The following PARP8 variants were observed in gnomAD, a reference collection of about 807,000 sequenced individuals.
PARP8 encodes protein mono-ADP-ribosyltransferase PARP8.
Under a neutral mutation model 124.1 loss-of-function variants are expected in PARP8, and 51 were observed. The observed-to-expected ratio is 0.41, with a 90% CI of 0.33 to 0.52. The LOEUF (loss-of-function observed/expected upper bound fraction) is 0.52. PARP8 is among the 20% of genes least tolerant of loss of function. The probability of loss-of-function intolerance (pLI) is 0.21; values close to 1 mark genes in which losing one functional copy is unlikely to be tolerated. For synonymous variants in PARP8, 391 were observed against 361.5 expected, an observed-to-expected ratio of 1.08 and a Z score of -0.93; for missense variants, 860 against 1,018.9, an observed-to-expected ratio of 0.84 and a Z score of 2.12.
chr5:50,699,856 G>T (rs1753403996), intron 2 of PARP8, among the ~76,000 whole-genome samples: 2 of 152,106 alleles, frequency 1.3e-5, no homozygotes, highest in East Asian at 3.9e-4. Context: ...GACATAAGAG[G>T]TCTCGGTTCA....
rs1370932889 is a variant in PARP8, at chr5:50,747,158, G to GTTTTT, written c.147-2989_147-2988insTTTTT. On this transcript the variant is annotated intron_variant, in intron 2 of 25. Transcript: ENST00000281631. ...CAGTTATGGTTTTTTTTGTTTGTTT[G>GTTTTT]TTTTGTTTTTTTTTTTTTTTTTGTC... is the stretch of plus-strand genomic sequence containing the variant. 6.8e-4 allele frequency among the ~76,000 whole-genome samples: 56 copies of GTTTTT among 82,132 alleles called. 1 individual carries two copies. Among genetic ancestry groups the GTTTTT allele is most frequent in the East Asian group, 1.1e-3 (3 of 2,684 alleles). The allele number at this position is 82,132 out of a possible 152,430, so 53.9% of individuals were successfully genotyped here.
intron 2 of PARP8, among the ~76,000 whole-genome samples, chr5:50,705,350 T>C (rs1257938507): frequency 6.6e-6 from 1 of 152,180 alleles, no homozygotes; most frequent in Non-Finnish European, 1.5e-5. Context: ...AAGTATATTA[T>C]TTCAAGTCAC....
chr5:50,670,066 AC>A (rs1425910730), intron 2 of PARP8, among the ~76,000 whole-genome samples: 4 of 152,344 alleles, frequency 2.6e-5, no homozygotes, highest in African/African-American at 9.6e-5. Context: ...AATGGCGAAT[AC>A]CTTTTATTTT....
At chr5:50,681,067 A>G (rs771050915) in intron 2 of PARP8, among the ~76,000 whole-genome samples, 6 of 152,138 alleles carry the variant, frequency 3.9e-5, no homozygotes, top group Non-Finnish European at 8.8e-5. Context: ...CCCTAGTAAT[A>G]CAGCACAAAT....
intron 3 of PARP8, among the ~76,000 whole-genome samples, chr5:50,756,835 C>T (rs1382487048): frequency 1.3e-5 from 2 of 152,084 alleles, no homozygotes; most frequent in Admixed American, 6.5e-5. Flanking sequence ...GCTGTGTCCC[C>T]CAGCCCCTGG....
chr5:50,669,850 T>C (rs1488699636), intron 2 of PARP8, among the ~76,000 whole-genome samples: 2 of 152,238 alleles, frequency 1.3e-5, no homozygotes, highest in Admixed American at 1.3e-4. Flanking sequence ...CCTGGCTGTT[T>C]CTCAGCCATT....
intron 25 of PARP8, 44 bp downstream of exon 25, chr5:50,835,059 A>C (rs1747413098): frequency 6.5e-7 from 1 of 1,533,706 alleles, no homozygotes; most frequent in African/African-American, 1.4e-5. Flanking sequence ...TCTTTGCCAC[A>C]AATGGGTTAG....
chr5:50,675,584 C>A (rs1010125212), intron 2 of PARP8, among the ~76,000 whole-genome samples: 1 of 152,224 alleles, frequency 6.6e-6, no homozygotes, highest in African/African-American at 2.4e-5. Context: ...GTTGGGATTA[C>A]GGGCGTGAGC....
intron 2 of PARP8, among the ~76,000 whole-genome samples, chr5:50,711,696 C>T (rs747094821): frequency 6.6e-6 from 1 of 152,102 alleles, no homozygotes; most frequent in African/African-American, 2.4e-5. Context: ...AACCCCAACC[C>T]TCCTGCCCAT....
rs186550802 is a variant in PARP8, at chr5:50,838,893, C to T, written c.2463-3073C>T. ...TTTTCAAGGCTCATTCAAACATGGTCTTTTCCTTGGCACCTTCCCTGACCT... is the reference window on the plus strand; with the variant it reads ...TTTTCAAGGCTCATTCAAACATGGTTTTTTCCTTGGCACCTTCCCTGACCT... On this transcript the variant is annotated intron_variant, in intron 25 of 25. Transcript: ENST00000281631. 2.0e-3 allele frequency among the ~76,000 whole-genome samples: 297 copies of T among 152,118 alleles called. 3 individuals carry two copies. The highest frequency in any genetic ancestry group is 6.8e-3 in the African/African-American group (281 of 41,546).
chr5:50,715,317 T>C (rs1441693902), intron 2 of PARP8, among the ~76,000 whole-genome samples: 1 of 152,114 alleles, frequency 6.6e-6, no homozygotes, highest in Admixed American at 6.6e-5. Flanking sequence ...TCTGTCAAAA[T>C]ATGTGTGATG....
chr5:50,763,289 C>G (rs778824152), intron 7 of PARP8, 47 bp downstream of exon 7: 3 of 1,423,326 alleles, frequency 2.1e-6, no homozygotes, highest in Non-Finnish European at 3.0e-6. Flanking sequence ...TATGGTAAGT[C>G]ATTGAAATTT....
intron 7 of PARP8, among the ~76,000 whole-genome samples, chr5:50,766,929 T>G (rs1301688003): frequency 6.6e-6 from 1 of 152,230 alleles, no homozygotes; most frequent in Non-Finnish European, 1.5e-5. Context: ...ATTCTCTGGA[T>G]TTCTGAATTC....
chr5:50,815,459 G>A lies in PARP8; in HGVS notation c.1603G>A (p.Val535Met), dbSNP rs1348355376. 6.2e-7 allele frequency: 1 copy of A among 1,600,346 alleles called. No homozygotes were observed. The highest frequency in any genetic ancestry group is 1.4e-5 in the African/African-American group (1 of 73,580). The change falls in exon 15 of 26, where the codon GTG becomes ATG. Residue 535 changes from valine to methionine, a missense_variant. Physicochemically the swap from Val to Met is conservative, Grantham distance 21. This residue lies in a region of PARP8 where 343 missense variants were observed against 474.7 expected (regional missense o/e 0.72). Transcript: ENST00000281631. ...TACCGTATGTGAACGGGAGCTGTGT[G>A]TGTTTGCTTTTCAAACCCTGGGAGT... ...RPTVCERELC[V>M]FAFQTLGVMN... is the part of the protein sequence containing the mutation.
chr5:50,734,103 A>G (rs1757251935), intron 2 of PARP8, among the ~76,000 whole-genome samples: 2 of 152,232 alleles, frequency 1.3e-5, no homozygotes, highest in South Asian at 4.1e-4. Flanking sequence ...AAATATAAAC[A>G]TATTGAAAGA....
chr5:50,719,999 G>A (rs1755713565), intron 2 of PARP8, among the ~76,000 whole-genome samples: 1 of 151,678 alleles, frequency 6.6e-6, no homozygotes, highest in Non-Finnish European at 1.5e-5. Flanking sequence ...AAATCCTCAG[G>A]CAAAATTAAA....
At chr5:50,773,671 T>G (rs554634150) in intron 7 of PARP8, among the ~76,000 whole-genome samples, 1 of 152,184 alleles carries the variant, frequency 6.6e-6, no homozygotes, top group African/African-American at 2.4e-5. Context: ...TTTAGAATTC[T>G]TTTTCTATTC....
intron 8 of PARP8, 74 bp from the exon 9 acceptor site, chr5:50,778,486 A>G (rs1468356928): frequency 7.6e-7 from 1 of 1,321,250 alleles, no homozygotes; most frequent in Non-Finnish European, 1.1e-6. Flanking sequence ...ACAAGTTTTA[A>G]AAGTTTGTGT....
At chr5:50,717,578 A>C (rs1755449982) in intron 2 of PARP8, among the ~76,000 whole-genome samples, 1 of 151,878 alleles carries the variant, frequency 6.6e-6, no homozygotes, top group African/African-American at 2.4e-5. Context: ...TAGATGATAC[A>C]ATATCTGTGC....
Sources: allele counts gnomAD v4.1 joint callset (sites outside exome capture counted in the v4.1 genomes callset), GRCh38; gene constraint gnomAD v4.1.1; regional missense constraint gnomAD v4.1.1; transcripts MANE v1.5; gene names NCBI Gene and HGNC (gene_info 2026-07-23, HGNC 2026-07-21).